The following RALGPS1 variants were observed in gnomAD, a reference collection of about 807,000 sequenced individuals.
RALGPS1 encodes ras-specific guanine nucleotide-releasing factor RalGPS1.
Under a neutral mutation model 78.8 loss-of-function variants are expected in RALGPS1, and 19 were observed. The observed-to-expected ratio is 0.24, with a 90% CI of 0.17 to 0.35. RALGPS1 has a LOEUF of 0.35. Ranked by LOEUF, RALGPS1 falls within the 10% of genes least tolerant of loss-of-function variation. The probability of loss-of-function intolerance (pLI) is 1.00; values close to 1 mark genes in which losing one functional copy is unlikely to be tolerated. For missense variants in RALGPS1, 454 were observed against 688.3 expected, an observed-to-expected ratio of 0.66 and a Z score of 3.81; for synonymous variants, 228 against 256.3, an observed-to-expected ratio of 0.89 and a Z score of 1.06.
chr9:127,056,560 C>A (rs2048761255), intron 7 of RALGPS1, among the ~76,000 whole-genome samples: 1 of 152,140 alleles, frequency 6.6e-6, no homozygotes, highest in Non-Finnish European at 1.5e-5. Context: ...ACAGAGGGGG[C>A]CAAACTCATC....
intron 4 of RALGPS1, among the ~76,000 whole-genome samples, chr9:126,982,828 CCT>C (rs2132876057): frequency 1.1e-5 from 1 of 89,126 alleles, no homozygotes; most frequent in South Asian, 5.6e-4. Context: ...CCTTCTTCTT[CCT>C]CTTCTTCTTC....
chr9:127,079,124 C>G (rs1018957988), intron 8 of RALGPS1, among the ~76,000 whole-genome samples: 2 of 152,170 alleles, frequency 1.3e-5, no homozygotes, highest in African/African-American at 4.8e-5. Flanking sequence ...TAAAACCACA[C>G]CTGAGAAGGA....
At chr9:127,216,913 G>A in intron 18 of RALGPS1, 1 of 1,545,092 alleles carries the variant, frequency 6.5e-7, no homozygotes, top group Non-Finnish European at 8.7e-7. Context: ...CAGGAAGCCG[G>A]AGCAGCTCCA....
intron 5 of RALGPS1, among the ~76,000 whole-genome samples, chr9:127,038,057 G>C (rs1250518353): frequency 6.6e-6 from 1 of 152,194 alleles, no homozygotes; most frequent in African/African-American, 2.4e-5. Context: ...TACTCTTCCA[G>C]TCTGCTCTGA....
At chr9:127,105,004 T>C (rs1198841902) in intron 8 of RALGPS1, among the ~76,000 whole-genome samples, 1 of 152,098 alleles carries the variant, frequency 6.6e-6, no homozygotes, top group Admixed American at 6.5e-5. Context: ...AGAGAGACCA[T>C]CTGTTTTTTC....
chr9:127,024,165 T>C (rs1256688126), intron 4 of RALGPS1, among the ~76,000 whole-genome samples: 2 of 151,796 alleles, frequency 1.3e-5, no homozygotes, highest in Admixed American at 6.6e-5. Flanking sequence ...TATTTTAGAG[T>C]ATTTACTCAA....
At chr9:127,102,448 C>A (rs981857786) in intron 8 of RALGPS1, among the ~76,000 whole-genome samples, 1 of 152,164 alleles carries the variant, frequency 6.6e-6, no homozygotes, top group South Asian at 2.1e-4. Context: ...GATGCCTGAT[C>A]TCTAGGGTTT....
At chr9:127,181,547 T>C (rs2060221831) in intron 11 of RALGPS1, among the ~76,000 whole-genome samples, 1 of 152,270 alleles carries the variant, frequency 6.6e-6, no homozygotes, top group Non-Finnish European at 1.5e-5. Context: ...TCCTTGACTT[T>C]CCTACAGTCA....
intron 11 of RALGPS1, among the ~76,000 whole-genome samples, chr9:127,190,691 A>G (rs1221620917): frequency 2.0e-5 from 3 of 152,174 alleles, no homozygotes; most frequent in Non-Finnish European, 2.9e-5. Context: ...ATGACGCACA[A>G]TGCTACCTTG....
At chr9:127,015,493 C>G (rs954384382) in intron 4 of RALGPS1, among the ~76,000 whole-genome samples, 1 of 152,160 alleles carries the variant, frequency 6.6e-6, no homozygotes, top group Non-Finnish European at 1.5e-5. Flanking sequence ...GCGAACAGAT[C>G]TTGAAGGACT....
intron 1 of RALGPS1, among the ~76,000 whole-genome samples, chr9:126,950,340 A>G (rs1468606405): frequency 1.3e-5 from 2 of 152,166 alleles, no homozygotes; most frequent in African/African-American, 2.4e-5. Flanking sequence ...GTTTTTTCCA[A>G]TTCTGTGAAG....
intron 4 of RALGPS1, among the ~76,000 whole-genome samples, chr9:126,997,613 C>T (rs539772399): frequency 3.3e-5 from 5 of 152,294 alleles, no homozygotes; most frequent in African/African-American, 1.2e-4. Flanking sequence ...TTTATAGATT[C>T]AATGCCATCC....
At chr9:126,932,420 C>T (rs924008089) in intron 1 of RALGPS1, among the ~76,000 whole-genome samples, 3 of 152,178 alleles carry the variant, frequency 2.0e-5, no homozygotes, top group Non-Finnish European at 2.9e-5. Context: ...CAAAGAAATA[C>T]ATATGGATGT....
chr9:127,014,579 T>A (rs932348452), intron 4 of RALGPS1, among the ~76,000 whole-genome samples: 2 of 152,198 alleles, frequency 1.3e-5, no homozygotes, highest in Non-Finnish European at 2.9e-5. Flanking sequence ...GAAATTATTA[T>A]CTCATAATAA....
At chr9:126,957,603 T>G (rs1349043524) in intron 1 of RALGPS1, among the ~76,000 whole-genome samples, 1 of 152,220 alleles carries the variant, frequency 6.6e-6, no homozygotes, top group African/African-American at 2.4e-5. Context: ...TTGTTCTGGC[T>G]TAGAACAGAC....
intron 4 of RALGPS1, among the ~76,000 whole-genome samples, chr9:126,984,786 G>T (rs2041643099): frequency 6.6e-6 from 1 of 152,170 alleles, no homozygotes; most frequent in Non-Finnish European, 1.5e-5. Flanking sequence ...CCAGGGTTAT[G>T]TTGTATATTT....
intron 4 of RALGPS1, among the ~76,000 whole-genome samples, chr9:127,013,976 G>T (rs1394272257): frequency 6.6e-6 from 1 of 152,180 alleles, no homozygotes; most frequent in Non-Finnish European, 1.5e-5. Context: ...CATAATTGAT[G>T]CCTGTCTTCT....
intron 9 of RALGPS1, 101 bp from the exon 10 acceptor site, chr9:127,168,578 A>G (rs986182764): frequency 1.1e-4 from 92 of 827,330 alleles, no homozygotes; most frequent in Non-Finnish European, 1.6e-4. Flanking sequence ...AATGAGTCTC[A>G]GTATCCTGGG....
intron 8 of RALGPS1, among the ~76,000 whole-genome samples, chr9:127,144,300 C>T (rs187413854): frequency 2.2e-4 from 33 of 152,310 alleles, no homozygotes; most frequent in East Asian, 7.7e-4. Context: ...ATGGACGATT[C>T]GTGCAGGAAC....
Sources: gnomAD v4.1 joint callset for allele counts (sites outside exome capture counted in the v4.1 genomes callset) on GRCh38, gnomAD v4.1.1 for gene constraint, MANE v1.5 for transcripts, NCBI Gene and HGNC (gene_info 2026-07-23, HGNC 2026-07-21) for gene names.